Variants in STS observed in about 807,000 individuals in gnomAD.
STS encodes steryl-sulfatase.
STS carries 7 observed loss-of-function variants against 26.8 expected under a neutral mutation model. The observed-to-expected ratio is 0.26, with a 90% CI of 0.15 to 0.49. The LOEUF is 0.49. STS is among the 20% of genes least tolerant of loss of function. The probability of loss-of-function intolerance (pLI) is 0.98; values close to 1 mark genes in which losing one functional copy is unlikely to be tolerated. For missense variants in STS, 434 were observed against 465.6 expected (o/e 0.93, Z 0.63); for synonymous variants, 199 against 189.4 (o/e 1.05, Z -0.42).
At chrX:7,162,658 G>A (rs1933267314) in intron 1 of STS, among the ~76,000 whole-genome samples, 2 of 110,034 alleles carry the variant, frequency 1.8e-5, no homozygotes, top group Non-Finnish European at 3.8e-5. Flanking sequence ...GTAGGATGCA[G>A]CAACCCACAA....
At chrX:7,344,272 T>C (rs558057885) in intron 10 of STS, among the ~76,000 whole-genome samples, 29 of 111,595 alleles carry the variant, frequency 2.6e-4, no homozygotes, top group Middle Eastern at 9.2e-3. Context: ...TGGGGCCAGA[T>C]CATTCTCTGT....
intron 1 of STS, among the ~76,000 whole-genome samples, chrX:7,167,794 C>T (rs992144561): frequency 9.0e-6 from 1 of 110,692 alleles, no homozygotes. Context: ...TTCAAGCCAT[C>T]CTCCTGGCTC....
chrX:7,275,324 A>T (rs1924475825), intron 6 of STS, among the ~76,000 whole-genome samples: 1 of 111,875 alleles, frequency 8.9e-6, no homozygotes, highest in Non-Finnish European at 1.9e-5. Flanking sequence ...AATGACAACT[A>T]TATGAGAAAA....
intron 8 of STS, among the ~76,000 whole-genome samples, chrX:7,323,859 C>A (rs896873690): frequency 1.8e-5 from 2 of 111,140 alleles, no homozygotes; most frequent in Admixed American, 1.9e-4. Flanking sequence ...GCTTGGGGTG[C>A]CCTTCTCTGC....
chrX:7,284,418 T>A (rs1195704107), intron 7 of STS, among the ~76,000 whole-genome samples: 1 of 111,364 alleles, frequency 9.0e-6, no homozygotes, highest in Non-Finnish European at 1.9e-5. Flanking sequence ...TACAACTAGT[T>A]ATCTCTTCAT....
chrX:7,336,524 G>T (rs1928037213), intron 10 of STS, among the ~76,000 whole-genome samples: 1 of 111,721 alleles, frequency 9.0e-6, no homozygotes, highest in African/African-American at 3.2e-5. Context: ...TGTTCTAGAA[G>T]ACAAAAAAAC....
chrX:7,205,614 C>T (rs866986631), intron 2 of STS, among the ~76,000 whole-genome samples: 1 of 102,693 alleles, frequency 9.7e-6, no homozygotes, highest in East Asian at 3.0e-4. Context: ...CTTTTCTTTT[C>T]TTTCGTTTTC....
chrX:7,177,478 TA>T (rs1429193800), intron 1 of STS, among the ~76,000 whole-genome samples: 2 of 105,789 alleles, frequency 1.9e-5, no homozygotes, highest in Non-Finnish European at 3.8e-5. Context: ...TATATATATA[TA>T]TTTTTTTTTG....
chrX:7,318,634 G>A (rs1274998968), intron 8 of STS, among the ~76,000 whole-genome samples: 2 of 111,282 alleles, frequency 1.8e-5, no homozygotes, highest in Non-Finnish European at 3.8e-5. Flanking sequence ...TACAAGATGG[G>A]AATCTCGTGA....
chrX:7,281,217 C>A (rs930554825), intron 7 of STS, among the ~76,000 whole-genome samples: 1 of 110,628 alleles, frequency 9.0e-6, no homozygotes, highest in Admixed American at 9.6e-5. Flanking sequence ...AAACACCCTT[C>A]CACTGCTGAG....
At chrX:7,279,292 A>AAAAAAT (rs1477179869) in intron 7 of STS, among the ~76,000 whole-genome samples, 2 of 62,781 alleles carry the variant, frequency 3.2e-5, no homozygotes, top group African/African-American at 1.2e-4. Flanking sequence ...AAAAAAAAAA[A>AAAAAAT]ATATATATAT....
intron 2 of STS, among the ~76,000 whole-genome samples, chrX:7,194,533 A>T (rs1445411086): frequency 1.8e-5 from 2 of 110,958 alleles, no homozygotes; most frequent in East Asian, 5.7e-4. Context: ...GCCGTTCATT[A>T]GTTTTACAAA....
chrX:7,266,950 C>T (rs1160689412), intron 6 of STS, among the ~76,000 whole-genome samples: 1 of 112,202 alleles, frequency 8.9e-6, no homozygotes, highest in African/African-American at 3.2e-5. Context: ...CTTCACACCA[C>T]ATAACAACCT....
chrX:7,338,318 A>G (rs1432652296), intron 10 of STS, among the ~76,000 whole-genome samples: 1 of 112,060 alleles, frequency 8.9e-6, no homozygotes, highest in African/African-American at 3.2e-5. Context: ...AGTCTGTGAG[A>G]TAAATATTCA....
At chrX:7,166,457 A>T (rs755268610) in intron 1 of STS, among the ~76,000 whole-genome samples, 13 of 111,801 alleles carry the variant, frequency 1.2e-4, no homozygotes, top group Admixed American at 2.9e-4. Flanking sequence ...ATGTTGCCAG[A>T]TATCACATGG....
chrX:7,309,699 A>G (rs1322435825), intron 8 of STS, among the ~76,000 whole-genome samples: 4 of 111,685 alleles, frequency 3.6e-5, no homozygotes. Context: ...GGTACATTAC[A>G]TGTCTGCTGC....
chrX:7,315,316 G>A (rs1022009157), intron 8 of STS, among the ~76,000 whole-genome samples: 3 of 111,760 alleles, frequency 2.7e-5, no homozygotes, highest in Non-Finnish European at 5.6e-5. Flanking sequence ...AAATACTGTG[G>A]AAATTGAAAG....
intron 6 of STS, 22 bp from the exon 7 acceptor site, chrX:7,275,929 C>CTTTTTTTTTTTTTTTT: frequency 9.3e-7 from 1 of 1,077,990 alleles, no homozygotes; most frequent in Admixed American, 3.0e-5. Flanking sequence ...TTTTTCCTCC[C>CTTTTTTTTTTTTTTTT]TTTTTTTTTT....
intron 2 of STS, among the ~76,000 whole-genome samples, chrX:7,196,251 T>C (rs1407762557): frequency 9.0e-6 from 1 of 111,631 alleles, no homozygotes; most frequent in Non-Finnish European, 1.9e-5. Context: ...CAGGGTAAGG[T>C]TGGCTGTGCA....
Sources: allele counts gnomAD v4.1 joint callset (sites outside exome capture counted in the v4.1 genomes callset), GRCh38; gene constraint gnomAD v4.1.1; transcripts MANE v1.5; gene names NCBI Gene and HGNC (gene_info 2026-07-23, HGNC 2026-07-21).